The following CACNA2D4 variants were observed in gnomAD, a reference collection of about 807,000 sequenced individuals.
CACNA2D4 encodes voltage-dependent calcium channel subunit alpha-2/delta-4.
Under a neutral mutation model 163.8 loss-of-function variants are expected in CACNA2D4, and 157 were observed. The ratio of observed to expected loss-of-function variants is 0.96; its 90% CI spans 0.84 to 1.09. The LOEUF is 1.09. Among genes scored for constraint, CACNA2D4 ranks in the 50% least tolerant of loss-of-function variants. CACNA2D4 has a pLI of 0.00. For synonymous variants in CACNA2D4, 598 were observed against 586.9 expected (o/e 1.02, Z -0.27); for missense variants, 1,410 against 1,479.9 (o/e 0.95, Z 0.78).
chr12:1,836,289 C>T (rs1864857379), intron 26 of CACNA2D4: 1 of 152,464 alleles, frequency 6.6e-6, no homozygotes, highest in Non-Finnish European at 1.5e-5. Context: ...TGCTCACAGG[C>T]TCAGGAGGCA....
chr12:1,825,137 G>A (rs1009495412), intron 26 of CACNA2D4, among the ~76,000 whole-genome samples: 5 of 152,194 alleles, frequency 3.3e-5, no homozygotes, highest in Admixed American at 2.0e-4. Flanking sequence ...CATCCCATTC[G>A]AGGCTGAAGA....
In CACNA2D4 at chr12:1,909,945, C is replaced by G; in HGVS notation, c.447G>C (p.Glu149Asp). 6.2e-7 allele frequency: 1 copy of G among 1,613,808 alleles called. No homozygotes were observed. The highest frequency in any genetic ancestry group is 1.7e-4 in the Middle Eastern group (1 of 6,060). ...EAVQNLVEAA[E>D]EADLNHEFNE... ...TGAATTCGTGGTTCAGGTCGGCCTC[C>G]TCGGCAGCTTCCACCAGATTCTGAG... The change falls in exon 4 of 38, where the codon GAG (glutamate) becomes GAC (aspartate). Residue 149 changes from glutamate to aspartate, a missense_variant. Physicochemically the swap from Glu to Asp is conservative, Grantham distance 45. Transcript: ENST00000382722.
chr12:1,912,155 T>G (rs1866840746), intron 3 of CACNA2D4, among the ~76,000 whole-genome samples: 1 of 152,212 alleles, frequency 6.6e-6, no homozygotes, highest in South Asian at 2.1e-4. Flanking sequence ...CCCCTTCCCC[T>G]GCTGCTTGGC....
chr12:1,893,595 A>G (rs1866337708), intron 6 of CACNA2D4, among the ~76,000 whole-genome samples: 1 of 152,150 alleles, frequency 6.6e-6, no homozygotes, highest in South Asian at 2.1e-4. Context: ...CTAGAAATCA[A>G]TAACAAGAGA....
intron 26 of CACNA2D4, among the ~76,000 whole-genome samples, chr12:1,837,570 G>C (rs554554842): frequency 2.0e-5 from 3 of 152,124 alleles, no homozygotes; most frequent in Non-Finnish European, 2.9e-5. Flanking sequence ...GTCTTCAGAG[G>C]CCAAGGCGGA....
chr12:1,913,517 T>C (rs1866886648), intron 2 of CACNA2D4, among the ~76,000 whole-genome samples: 1 of 152,324 alleles, frequency 6.6e-6, no homozygotes, highest in East Asian at 1.9e-4. Flanking sequence ...CCACGCTGCA[T>C]CCCAGGGCTT....
At position 1,860,132 on chromosome 12, in the gene CACNA2D4, CTG is replaced by C. The variant is rs1450925510; in HGVS notation, c.1940+11_1940+12del. The C allele has an allele frequency of 9.3e-6, 15 of 1,608,852 alleles. No individual in the cohort carries two copies. The highest frequency in any genetic ancestry group is 1.2e-5 in the Non-Finnish European group (14 of 1,175,468). ...AACCCTCACCCCGTGCAAATAAAGC[CTG>C]TGTCCCTCACCTGAAAGGGGTGTCG... On this transcript the variant is annotated intron_variant, in intron 19 of 37. Coordinates refer to ENST00000382722, the MANE Select transcript of CACNA2D4 (RefSeq NM_172364.5).
chr12:1,879,925 G>A (rs1453705503), intron 13 of CACNA2D4, 44 bp from the exon 14 acceptor site: 3 of 1,447,252 alleles, frequency 2.1e-6, no homozygotes, highest in East Asian at 4.9e-5. Context: ...GCGGCCTAGG[G>A]CCACTGGTTT....
At chr12:1,827,777 A>G (rs1176591104) in intron 26 of CACNA2D4, 2 of 232,788 alleles carry the variant, frequency 8.6e-6, no homozygotes, top group African/African-American at 4.5e-5. Context: ...CTGAGTGATC[A>G]ACATACTCGG....
At chr12:1,885,423 A>G (rs1866112426) in intron 9 of CACNA2D4, among the ~76,000 whole-genome samples, 1 of 152,178 alleles carries the variant, frequency 6.6e-6, no homozygotes, top group Non-Finnish European at 1.5e-5. Context: ...AGGGGTGCAC[A>G]CTTCACAGCA....
At chr12:1,912,028 T>C (rs2429161) in intron 3 of CACNA2D4, among the ~76,000 whole-genome samples, 72,090 of 151,958 alleles carry the variant, frequency 0.47, 18,037 homozygotes, top group Non-Finnish European at 0.55. Context: ...TTATAACAAG[T>C]GGGAAAGAAG....
At chr12:1,904,789 T>TA (rs1174604910) in intron 6 of CACNA2D4, among the ~76,000 whole-genome samples, 2 of 151,856 alleles carry the variant, frequency 1.3e-5, no homozygotes, top group African/African-American at 4.8e-5. Context: ...TGTTTCCCTA[T>TA]AAAAAATCAG....
chr12:1,844,516 G>A lies in CACNA2D4; in HGVS notation c.2356C>T (p.Pro786Ser). The A allele has an allele frequency of 6.2e-7, 1 of 1,612,920 alleles. No homozygotes were observed. The highest frequency in any genetic ancestry group is 8.5e-7 in the Non-Finnish European group (1 of 1,179,366). Residue 786 changes from proline (P) to serine (S), a missense_variant, in exon 25 of 38, where the codon CCT (proline) becomes TCT (serine). Coordinates refer to ENST00000382722, the MANE Select transcript of CACNA2D4 (RefSeq NM_172364.5). The surrounding 1 kb of genome is among the most constrained non-coding windows in gnomAD (Gnocchi z 4.2). The stretch of plus-strand genomic sequence containing the variant: ...GTGAACACGCTGGCCTCGTCCTCAG[G>A]TGTCAGGAACTTCCTGCAAGGAGGA... ...EKVSDRKFLT[P>S]EDEASVFTLD...
At position 1,798,884 on chromosome 12, in the gene CACNA2D4, G is replaced by A. The variant is rs1450656819; in HGVS notation, c.2995+791C>T. On this transcript the variant is annotated intron_variant, in intron 34 of 37. Transcript: ENST00000382722. The surrounding 1 kb of genome is among the most constrained non-coding windows in gnomAD (Gnocchi z 4.3). ...CCGATCGCGGATGTGAGTCCAGAAG[G>A]AGTCTGGAGACACAGCCCGAACTGC... is the stretch of plus-strand genomic sequence containing the variant. 6.6e-6 allele frequency among the ~76,000 whole-genome samples: 1 copy of A among 152,166 alleles called. No individual in the cohort carries two copies. The highest frequency in any genetic ancestry group is 2.4e-5 in the African/African-American group (1 of 41,436).
At position 1,918,366 on chromosome 12, in the gene CACNA2D4, G is replaced by C; in HGVS notation, c.108C>G (p.Pro36=). 1 of 1,606,570 alleles carries C rather than the reference G, an allele frequency of 6.2e-7. No individual in the cohort carries two copies. Among genetic ancestry groups the C allele is most frequent in the Non-Finnish European group, 8.5e-7 (1 of 1,176,702 alleles). The change falls in exon 1 of 38, where the codon CCC becomes CCG. Residue 36 remains proline (P), a synonymous_variant. Coordinates refer to ENST00000382722, the MANE Select transcript of CACNA2D4 (RefSeq NM_172364.5). ...CCCAGGCCACGGGCATTGGCTGGAGGGGAATCCAGCGGCTGCTGGAGCTGG... is the reference window on the plus strand; with the variant it reads ...CCCAGGCCACGGGCATTGGCTGGAGCGGAATCCAGCGGCTGCTGGAGCTGG... ...ANPSSSSRWI[P]LQPMPVAWAF...
At chr12:1,882,772 C>G in intron 13 of CACNA2D4, 95 bp downstream of exon 13, 2 of 1,347,196 alleles carry the variant, frequency 1.5e-6, no homozygotes, top group Non-Finnish European at 2.1e-6. Context: ...GGTGCTAGGC[C>G]CACCCCTTTC....
rs199570994 is a variant in CACNA2D4 at position 1,918,398 on chromosome 12, C to T, written c.76G>A (p.Ala26Thr). 5.2e-4 allele frequency: 831 copies of T among 1,598,732 alleles called. 4 individuals are homozygous for T. In the African/African-American group the frequency reaches 7.5e-3, roughly 14 times the overall value. The change falls in exon 1 of 38, where the codon GCA (alanine) becomes ACA (threonine). Residue 26 changes from alanine (A) to threonine (T), a missense_variant. Coordinates refer to ENST00000382722, the MANE Select transcript of CACNA2D4 (RefSeq NM_172364.5). ...CAGCGGCTGCTGGAGCTGGGGTTTG[C>T]GAGGAAGTTGGGAGTTGCAGGCATG... The part of the protein sequence containing the change: ...PTMPATPNFL[A>T]NPSSSSRWIP...
intron 29 of CACNA2D4, chr12:1,809,680 C>T (rs1241973437): frequency 7.8e-6 from 5 of 643,016 alleles, no homozygotes; most frequent in South Asian, 5.3e-5. Context: ...GAGATACCCA[C>T]AGCCAGCGGG....
In CACNA2D4 at chr12:1,795,696, T is replaced by C. The variant is rs747925368; in HGVS notation, c.3198A>G (p.Pro1066=). The C allele has an allele frequency of 1.9e-6, 3 of 1,612,326 alleles. No homozygotes were observed. ...DPTCDCSIFP[P]VLQEATEVKY... ...TGACTTCTGTCGCCTCCTGCAGCAC[T>C]GGTGGGAAGATGCTGCAGTCACAGG... The change falls in exon 36 of 38, where the codon CCA becomes CCG. Residue 1066 remains proline, a synonymous_variant. Coordinates refer to ENST00000382722, the MANE Select transcript of CACNA2D4 (RefSeq NM_172364.5).
Sources: allele counts gnomAD v4.1 joint callset (sites outside exome capture counted in the v4.1 genomes callset), GRCh38; gene constraint gnomAD v4.1.1; non-coding constraint Gnocchi (gnomAD v3.1); transcripts MANE v1.5; gene names NCBI Gene and HGNC (gene_info 2026-07-23, HGNC 2026-07-21).